Variants in SOX6 observed in about 807,000 individuals in gnomAD.
The protein encoded by SOX6 is SRY-box transcription factor 6.
Under a neutral mutation model 97.8 loss-of-function variants are expected in SOX6, and 11 were observed. The ratio of observed to expected loss-of-function variants is 0.11; its 90% CI spans 0.07 to 0.19. SOX6 has a LOEUF of 0.19. SOX6 is among the 10% of genes least tolerant of loss of function. The pLI, the probability that SOX6 is intolerant of heterozygous loss-of-function variation, is 1.00. For missense variants in SOX6, 810 were observed against 1,039.5 expected, an observed-to-expected ratio of 0.78 and a Z score of 3.04; for synonymous variants, 360 against 371.4, an observed-to-expected ratio of 0.97 and a Z score of 0.35.
chr11:16,652,158 A>G (rs1847662798), intron 3 of SOX6, among the ~76,000 whole-genome samples: 1 of 152,218 alleles, frequency 6.6e-6, no homozygotes, highest in African/African-American at 2.4e-5. Context: ...GATGGATAGA[A>G]TCAATACTGT....
chr11:16,091,794 T>C (rs1227228150), intron 9 of SOX6, among the ~76,000 whole-genome samples: 1 of 151,978 alleles, frequency 6.6e-6, no homozygotes, highest in Non-Finnish European at 1.5e-5. Flanking sequence ...CAAATAACAG[T>C]GAAAATTGCA....
At chr11:16,101,319 C>T (rs1302271138) in intron 7 of SOX6, among the ~76,000 whole-genome samples, 1 of 151,584 alleles carries the variant, frequency 6.6e-6, no homozygotes, top group Non-Finnish European at 1.5e-5. Context: ...GACACAAAAG[C>T]TTCAATTTGT....
intron 3 of SOX6, chr11:16,317,556 A>G (rs1855788411): frequency 6.4e-6 from 1 of 155,178 alleles, no homozygotes; most frequent in African/African-American, 2.4e-5. Flanking sequence ...GAAGCATGCA[A>G]TATATTTTAG....
At chr11:16,146,473 A>C (rs1326703568) in intron 6 of SOX6, among the ~76,000 whole-genome samples, 1 of 152,242 alleles carries the variant, frequency 6.6e-6, no homozygotes, top group African/African-American at 2.4e-5. Context: ...CACCAAAAGC[A>C]ATGGCAACAG....
At chr11:16,565,121 T>A (rs12283896) in intron 4 of SOX6, among the ~76,000 whole-genome samples, 39,622 of 151,940 alleles carry the variant, frequency 0.26, 5,838 homozygotes, top group East Asian at 0.48. Flanking sequence ...AAATAGGGGA[T>A]ATCATTACAG....
chr11:16,628,299 A>C (rs1848652213), intron 3 of SOX6, among the ~76,000 whole-genome samples: 1 of 152,056 alleles, frequency 6.6e-6, no homozygotes, highest in African/African-American at 2.4e-5. Flanking sequence ...TTCCATATGA[A>C]CTTTAAAATA....
chr11:15,982,632 T>C (rs1272704975), intron 15 of SOX6, among the ~76,000 whole-genome samples: 1 of 152,072 alleles, frequency 6.6e-6, no homozygotes, highest in Non-Finnish European at 1.5e-5. Context: ...AAATGTTATG[T>C]AAACACTTGT....
chr11:16,370,967 G>T (rs991787329), intron 1 of SOX6, among the ~76,000 whole-genome samples: 3 of 151,830 alleles, frequency 2.0e-5, no homozygotes, highest in African/African-American at 4.8e-5. Context: ...TTTATTCCCA[G>T]AAACAACCAA....
chr11:16,667,324 T>C (rs997043368), intron 3 of SOX6, among the ~76,000 whole-genome samples: 3 of 152,106 alleles, frequency 2.0e-5, no homozygotes, highest in African/African-American at 7.2e-5. Flanking sequence ...AAAAAGGTTA[T>C]AGAACACCAA....
At chr11:16,132,452 G>GAAAGAAAGAAAGAAAGAAAGAAA (rs1849831159) in intron 6 of SOX6, among the ~76,000 whole-genome samples, 1 of 104,998 alleles carries the variant, frequency 9.5e-6, no homozygotes, top group African/African-American at 3.9e-5. Context: ...AAAAAAGAAA[G>GAAAGAAAGAAAGAAAGAAAGAAA]AAAGAAAGAA....
chr11:16,738,420 C>T (rs947447017), intron 1 of SOX6: 1 of 312,376 alleles, frequency 3.2e-6, no homozygotes, highest in Non-Finnish European at 6.1e-6. Context: ...TCGGCCAACG[C>T]TCACCGCCAT....
chr11:16,691,406 C>G (rs1564870172), intron 3 of SOX6, among the ~76,000 whole-genome samples: 1 of 152,284 alleles, frequency 6.6e-6, no homozygotes, highest in East Asian at 1.9e-4. Flanking sequence ...GCAACCAAAT[C>G]AAAGCATCAA....
chr11:16,479,176 C>T (rs1282656402), upstream of SOX6, among the ~76,000 whole-genome samples: 2 of 152,124 alleles, frequency 1.3e-5, no homozygotes, highest in African/African-American at 4.8e-5. Flanking sequence ...GTCATCAAGT[C>T]TTTGATATAT....
chr11:16,514,215 C>CAA (rs35019872), intron 4 of SOX6, among the ~76,000 whole-genome samples: 19,449 of 102,274 alleles, frequency 0.19, 1,569 homozygotes, highest in African/African-American at 0.22. Context: ...GTCCCTGGCT[C>CAA]AAAAAAAAAA....
chr11:16,103,736 G>T (rs549292965), intron 7 of SOX6, among the ~76,000 whole-genome samples: 58 of 151,976 alleles, frequency 3.8e-4, no homozygotes, highest in African/African-American at 1.3e-3. Context: ...AACCTGGTTG[G>T]AATTGGAGAT....
At chr11:16,642,043 A>G (rs1164285534) in intron 3 of SOX6, among the ~76,000 whole-genome samples, 2 of 152,294 alleles carry the variant, frequency 1.3e-5, no homozygotes, top group East Asian at 1.9e-4. Context: ...AGTGGCTGGT[A>G]CTGGTTGTTC....
chr11:16,084,009 A>C (rs994583454), intron 9 of SOX6, among the ~76,000 whole-genome samples: 1 of 152,068 alleles, frequency 6.6e-6, no homozygotes, highest in Non-Finnish European at 1.5e-5. Flanking sequence ...ATAACATGAC[A>C]TTTGTTTCAT....
At chr11:16,509,967 G>A (rs58114164) in intron 4 of SOX6, among the ~76,000 whole-genome samples, 1,667 of 151,064 alleles carry the variant, frequency 0.011, 29 homozygotes, top group East Asian at 0.051. Flanking sequence ...TAACTTTATC[G>A]TGGCTTTTAC....
chr11:16,495,534 A>G (rs895223059), intron 4 of SOX6, among the ~76,000 whole-genome samples: 13 of 152,094 alleles, frequency 8.5e-5, no homozygotes, highest in Admixed American at 8.5e-4. Flanking sequence ...CCAATCTACC[A>G]CTACCACAAT....
Sources: allele counts gnomAD v4.1 joint callset (sites outside exome capture counted in the v4.1 genomes callset), GRCh38; gene constraint gnomAD v4.1.1; transcripts MANE v1.5; gene names NCBI Gene and HGNC (gene_info 2026-07-23, HGNC 2026-07-21).